Variants in RGS7 observed in about 807,000 individuals in gnomAD.
RGS7 encodes the protein regulator of G-protein signaling 7.
Under a neutral mutation model 81.1 loss-of-function variants are expected in RGS7, and 27 were observed. That is an observed-to-expected ratio of 0.33 (90% confidence interval 0.25 to 0.46). The LOEUF is 0.46. Among genes scored for constraint, RGS7 ranks in the 20% least tolerant of loss-of-function variants. RGS7 has a pLI of 1.00. For missense variants in RGS7, 396 were observed against 607.4 expected (o/e 0.65, Z 3.66); for synonymous variants, 208 against 207.7 (o/e 1.00, Z -0.01).
intron 2 of RGS7, among the ~76,000 whole-genome samples, chr1:241,353,959 C>A (rs1573813380): frequency 6.6e-6 from 1 of 152,086 alleles, no homozygotes. Context: ...ATGACACACA[C>A]TAGTTGCTGC....
intron 2 of RGS7, among the ~76,000 whole-genome samples, chr1:241,301,071 C>A (rs1396287091): frequency 6.6e-6 from 1 of 152,156 alleles, no homozygotes; most frequent in Admixed American, 6.5e-5. Context: ...CATATCTATG[C>A]CAAAGCCCAA....
chr1:240,938,825 T>C (rs571618701), intron 4 of RGS7, among the ~76,000 whole-genome samples: 60 of 121,610 alleles, frequency 4.9e-4, no homozygotes, highest in Admixed American at 8.2e-4. Context: ...TTTGTGCGTG[T>C]GTGTGTGTGT....
At chr1:240,924,916 AT>A (rs1674169295) in intron 6 of RGS7, among the ~76,000 whole-genome samples, 1 of 152,168 alleles carries the variant, frequency 6.6e-6, no homozygotes, top group South Asian at 2.1e-4. Flanking sequence ...AAAAATAAAA[AT>A]TAATGCAAAA....
At chr1:241,136,567 A>G (rs1558117835) in intron 2 of RGS7, among the ~76,000 whole-genome samples, 1 of 152,174 alleles carries the variant, frequency 6.6e-6, no homozygotes. Flanking sequence ...ATCTTGAGCT[A>G]TAGTCACAAA....
At chr1:241,202,011 G>GACACACACACAC (rs60399497) in intron 2 of RGS7, among the ~76,000 whole-genome samples, 1,897 of 145,006 alleles carry the variant, frequency 0.013, 37 homozygotes, top group African/African-American at 0.044. Context: ...GACACACACA[G>GACACACACACAC]ACACACACAC....
intron 9 of RGS7, among the ~76,000 whole-genome samples, chr1:240,853,904 A>C (rs1450921614): frequency 7.1e-6 from 1 of 141,628 alleles, no homozygotes; most frequent in African/African-American, 2.9e-5. Context: ...CCGTCTCAAA[A>C]AAAAAAAAAA....
At chr1:240,871,478 C>T (rs1328356541) in intron 6 of RGS7, among the ~76,000 whole-genome samples, 4 of 152,204 alleles carry the variant, frequency 2.6e-5, no homozygotes, top group Non-Finnish European at 5.9e-5. Flanking sequence ...GAGCCAACCA[C>T]AGAATGATGC....
At chr1:241,235,820 G>A (rs2075930686) in intron 2 of RGS7, among the ~76,000 whole-genome samples, 1 of 151,008 alleles carries the variant, frequency 6.6e-6, no homozygotes, top group Admixed American at 6.6e-5. Flanking sequence ...TGGCTGATGA[G>A]AAGCCTAGGC....
chr1:241,232,417 G>C (rs2075718842), intron 2 of RGS7, among the ~76,000 whole-genome samples: 1 of 151,976 alleles, frequency 6.6e-6, no homozygotes, highest in African/African-American at 2.4e-5. Flanking sequence ...TTATTGCCCA[G>C]GCTGGTCTCA....
intron 3 of RGS7, among the ~76,000 whole-genome samples, chr1:240,994,088 G>A (rs1686920538): frequency 6.6e-6 from 1 of 152,072 alleles, no homozygotes; most frequent in Non-Finnish European, 1.5e-5. Context: ...GTTATATAAT[G>A]TCTTGAATAT....
chr1:241,250,798 A>ATTC (rs763769307), intron 2 of RGS7, among the ~76,000 whole-genome samples: 20 of 152,256 alleles, frequency 1.3e-4, no homozygotes, highest in Non-Finnish European at 2.6e-4. Context: ...TAAACCAAGA[A>ATTC]ATATTGGTAC....
chr1:240,882,921 C>G (rs377740427), intron 6 of RGS7, among the ~76,000 whole-genome samples: 37 of 152,216 alleles, frequency 2.4e-4, no homozygotes, highest in African/African-American at 8.4e-4. Context: ...TCACCGGTGT[C>G]TGATGTTCCC....
intron 3 of RGS7, among the ~76,000 whole-genome samples, chr1:241,051,630 A>G (rs2061257036): frequency 6.6e-6 from 1 of 150,690 alleles, no homozygotes; most frequent in South Asian, 2.1e-4. Flanking sequence ...CAACTGATTC[A>G]CACTGTTTAA....
intron 4 of RGS7, among the ~76,000 whole-genome samples, chr1:240,970,608 T>C (rs1683044772): frequency 6.6e-6 from 1 of 152,312 alleles, no homozygotes; most frequent in South Asian, 2.1e-4. Flanking sequence ...CAGAGCAACA[T>C]GTGCAGACTT....
chr1:241,100,042 T>A (rs1032783230), intron 2 of RGS7, among the ~76,000 whole-genome samples: 4 of 151,148 alleles, frequency 2.6e-5, no homozygotes, highest in Admixed American at 6.6e-5. Flanking sequence ...AAGTAAACAG[T>A]TAAAAAAAAC....
chr1:241,330,231 G>A (rs915259695), intron 2 of RGS7, among the ~76,000 whole-genome samples: 26 of 152,214 alleles, frequency 1.7e-4, no homozygotes, highest in Middle Eastern at 3.4e-3. Flanking sequence ...GAGCCACCCC[G>A]CCCGGCCCTT....
intron 3 of RGS7, among the ~76,000 whole-genome samples, chr1:241,086,214 T>C (rs934076910): frequency 1.3e-5 from 2 of 152,220 alleles, no homozygotes; most frequent in African/African-American, 4.8e-5. Flanking sequence ...TTGTTCTACA[T>C]ACGTTGCCTG....
At chr1:241,075,326 G>C (rs1185178743) in intron 3 of RGS7, among the ~76,000 whole-genome samples, 1 of 152,092 alleles carries the variant, frequency 6.6e-6, no homozygotes, top group Non-Finnish European at 1.5e-5. Flanking sequence ...GAAGAAATAG[G>C]TCGAGCAACA....
intron 2 of RGS7, among the ~76,000 whole-genome samples, chr1:241,138,470 C>T (rs1436161436): frequency 1.3e-5 from 2 of 152,084 alleles, no homozygotes; most frequent in Admixed American, 1.3e-4. Flanking sequence ...GAGGGCAACA[C>T]GAATGCCACA....
Sources: allele counts gnomAD v4.1 joint callset (sites outside exome capture counted in the v4.1 genomes callset), GRCh38; gene constraint gnomAD v4.1.1; transcripts MANE v1.5; gene names NCBI Gene and HGNC (gene_info 2026-07-23, HGNC 2026-07-21).